SOX5: variants seen among roughly 807,000 people sequenced by gnomAD.
SOX5 encodes transcription factor SOX-5.
In SOX5, 9 loss-of-function variants were observed where a neutral mutation model predicts 92.0. The observed-to-expected ratio is 0.10, with a 90% CI of 0.06 to 0.17. SOX5 has a LOEUF of 0.17. SOX5 is among the 10% of genes least tolerant of loss of function. SOX5 has a pLI of 1.00. For synonymous variants in SOX5, 344 were observed against 336.3 expected (o/e 1.02, Z -0.25); for missense variants, 642 against 944.5 (o/e 0.68, Z 4.20).
chr12:23,938,966 T>C (rs1048340212), intron 1 of SOX5, among the ~76,000 whole-genome samples: 46 of 151,220 alleles, frequency 3.0e-4, no homozygotes, highest in African/African-American at 1.1e-3. Flanking sequence ...GCTGATCATT[T>C]TACATTTGCC....
At chr12:24,489,318 A>G (rs1946820801) in intron 1 of SOX5, among the ~76,000 whole-genome samples, 1 of 152,144 alleles carries the variant, frequency 6.6e-6, no homozygotes, top group Non-Finnish European at 1.5e-5. Flanking sequence ...AGAGGGGGCA[A>G]GTTTCCAAGC....
chr12:24,139,809 T>G (rs983575328), intron 4 of SOX5, among the ~76,000 whole-genome samples: 1 of 152,168 alleles, frequency 6.6e-6, no homozygotes, highest in Non-Finnish European at 1.5e-5. Flanking sequence ...GTTAAGAAGT[T>G]AGCTCTAAAG....
intron 1 of SOX5, among the ~76,000 whole-genome samples, chr12:24,396,341 T>C (rs1030031190): frequency 3.9e-5 from 6 of 152,212 alleles, no homozygotes; most frequent in African/African-American, 7.2e-5. Flanking sequence ...ATAGTGTTTA[T>C]GTTAAGGAAG....
intron 1 of SOX5, among the ~76,000 whole-genome samples, chr12:24,490,008 CA>C (rs1290035129): frequency 6.6e-6 from 1 of 152,232 alleles, no homozygotes; most frequent in Non-Finnish European, 1.5e-5. Flanking sequence ...ATACAGAAGG[CA>C]AAATCAGCGT....
chr12:23,960,994 T>C (rs1003579790), intron 4 of SOX5, among the ~76,000 whole-genome samples: 1 of 152,170 alleles, frequency 6.6e-6, no homozygotes, highest in Admixed American at 6.5e-5. Context: ...CTATGTTTTT[T>C]AAAAGTTAAA....
intron 1 of SOX5, among the ~76,000 whole-genome samples, chr12:24,455,778 A>C (rs1421115411): frequency 6.6e-6 from 1 of 152,156 alleles, no homozygotes; most frequent in Non-Finnish European, 1.5e-5. Flanking sequence ...TCCCTCCAGG[A>C]CCAAGGCCCT....
intron 6 of SOX5, among the ~76,000 whole-genome samples, chr12:23,714,090 CAA>C (rs545073798): frequency 2.0e-4 from 19 of 94,564 alleles, no homozygotes; most frequent in Non-Finnish European, 3.0e-4. Flanking sequence ...GACTCCGCCT[CAA>C]AAAAAAAAAA....
intron 1 of SOX5, among the ~76,000 whole-genome samples, chr12:23,943,244 A>G (rs933717203): frequency 1.3e-5 from 2 of 151,920 alleles, no homozygotes; most frequent in Admixed American, 6.6e-5. Flanking sequence ...CCCATTGTCC[A>G]TGAGTAAGTG....
chr12:24,463,261 A>G (rs1288845719), intron 1 of SOX5, among the ~76,000 whole-genome samples: 1 of 152,088 alleles, frequency 6.6e-6, no homozygotes, highest in African/African-American at 2.4e-5. Context: ...TTTTTGCCCT[A>G]ACTTTATAGA....
At chr12:24,180,299 C>T (rs973792348) in intron 4 of SOX5, among the ~76,000 whole-genome samples, 1 of 152,126 alleles carries the variant, frequency 6.6e-6, no homozygotes, top group African/African-American at 2.4e-5. Context: ...ATGAAACCAT[C>T]TTCATAAACA....
chr12:24,543,983 A>T (rs905511574), intron 1 of SOX5, among the ~76,000 whole-genome samples: 1 of 152,190 alleles, frequency 6.6e-6, no homozygotes, highest in South Asian at 2.1e-4. Context: ...TTATTAAGAC[A>T]TCTATATACT....
chr12:23,569,629 G>A (rs1472894297), intron 10 of SOX5, among the ~76,000 whole-genome samples: 3 of 152,110 alleles, frequency 2.0e-5, no homozygotes, highest in African/African-American at 7.2e-5. Context: ...CGTTTAAGCT[G>A]TACACAACAT....
At chr12:23,783,360 C>A (rs1470286580) in intron 3 of SOX5, among the ~76,000 whole-genome samples, 5 of 152,130 alleles carry the variant, frequency 3.3e-5, no homozygotes, top group Non-Finnish European at 5.9e-5. Flanking sequence ...TTAGCCATTT[C>A]ATTGTGTTGA....
At chr12:23,911,135 A>T (rs1270495632) in intron 1 of SOX5, among the ~76,000 whole-genome samples, 2 of 152,094 alleles carry the variant, frequency 1.3e-5, no homozygotes, top group Non-Finnish European at 2.9e-5. Flanking sequence ...ACAAAAAAAA[A>T]TTCCATTGCA....
chr12:24,014,814 C>T (rs771849093), intron 4 of SOX5, among the ~76,000 whole-genome samples: 1 of 152,052 alleles, frequency 6.6e-6, no homozygotes, highest in Non-Finnish European at 1.5e-5. Flanking sequence ...ATCTGGGGGC[C>T]TTGTTCCTAA....
At chr12:23,632,989 A>G (rs1007504390) in intron 8 of SOX5, among the ~76,000 whole-genome samples, 2 of 152,168 alleles carry the variant, frequency 1.3e-5, no homozygotes, top group African/African-American at 4.8e-5. Flanking sequence ...TTAAGTCAAT[A>G]AAAATGATGA....
Position 24,342,999 on chromosome 12 carries a change from T to G in SOX5, c.-174+25564A>C, listed in dbSNP as rs1952757258. On this transcript the variant is annotated intron_variant, in intron 2 of 4. Coordinates refer to the SOX5 transcript ENST00000446891. ...CTCAACATCACTAATGACTATGGCA[T>G]GAAATGCCCACACCCACCTTTTTAA... 3.3e-5 allele frequency among the ~76,000 whole-genome samples: 5 copies of G among 152,250 alleles called. No individual in the cohort carries two copies. The South Asian group carries it at 1.0e-3, about 31-fold the overall frequency.
chr12:23,921,548 A>C (rs1938285989), intron 1 of SOX5, among the ~76,000 whole-genome samples: 4 of 152,210 alleles, frequency 2.6e-5, no homozygotes, highest in Non-Finnish European at 5.9e-5. Flanking sequence ...CTGTCACAGC[A>C]GTTATTTTCT....
At chr12:23,877,350 G>A (rs2137007378) in intron 2 of SOX5, among the ~76,000 whole-genome samples, 1 of 151,980 alleles carries the variant, frequency 6.6e-6, no homozygotes, top group East Asian at 1.9e-4. Flanking sequence ...TTTAAAAGTT[G>A]AAAATACCTG....
Sources: allele counts gnomAD v4.1 joint callset (sites outside exome capture counted in the v4.1 genomes callset), GRCh38; gene constraint gnomAD v4.1.1; transcripts MANE v1.5; gene names NCBI Gene and HGNC (gene_info 2026-07-23, HGNC 2026-07-21).